Variants in MDGA2 observed in about 807,000 individuals in gnomAD.
MDGA2 encodes the protein MAM domain-containing glycosylphosphatidylinositol anchor protein 2.
A neutral mutation model predicts 117.8 loss-of-function variants in MDGA2; 40 were observed. The ratio of observed to expected loss-of-function variants is 0.34; its 90% CI spans 0.26 to 0.44. The LOEUF is 0.44. Ranked by LOEUF, MDGA2 falls within the 20% of genes least tolerant of loss-of-function variation. MDGA2 has a pLI of 1.00. For missense variants in MDGA2, 1,123 were observed against 1,250.6 expected (o/e 0.90, Z 1.54); for synonymous variants, 452 against 439.0 (o/e 1.03, Z -0.37).
intron 10 of MDGA2, among the ~76,000 whole-genome samples, chr14:46,897,698 C>G (rs1448281729): frequency 2.5e-5 from 3 of 118,472 alleles, no homozygotes; most frequent in African/African-American, 8.6e-5. Context: ...ATAACATCTT[C>G]TATTCCTACT....
chr14:47,016,706 G>A (rs142782261), intron 8 of MDGA2, among the ~76,000 whole-genome samples: 1 of 152,056 alleles, frequency 6.6e-6, no homozygotes, highest in African/African-American at 2.4e-5. Context: ...AATTCATAAT[G>A]AATATAACTA....
At chr14:46,947,453 A>G (rs960382706) in intron 9 of MDGA2, among the ~76,000 whole-genome samples, 12 of 152,052 alleles carry the variant, frequency 7.9e-5, no homozygotes, top group African/African-American at 2.7e-4. Flanking sequence ...CACATCACTC[A>G]GAAGTCTAGC....
chr14:47,568,048 CA>C (rs1895951751), intron 1 of MDGA2, among the ~76,000 whole-genome samples: 1 of 152,044 alleles, frequency 6.6e-6, no homozygotes, highest in Admixed American at 6.6e-5. Flanking sequence ...TTCTTTTCTT[CA>C]TTAGTCAGTA....
At chr14:47,096,264 T>C (rs1879961125) in intron 6 of MDGA2, among the ~76,000 whole-genome samples, 1 of 152,046 alleles carries the variant, frequency 6.6e-6, no homozygotes, top group African/African-American at 2.4e-5. Flanking sequence ...TGTTATTAGA[T>C]ATTCCCTAAT....
chr14:46,975,573 G>A (rs983848459), intron 8 of MDGA2, among the ~76,000 whole-genome samples: 2 of 152,038 alleles, frequency 1.3e-5, no homozygotes, highest in Non-Finnish European at 2.9e-5. Flanking sequence ...CATTATGCTA[G>A]GTGACATAAA....
At chr14:47,011,264 A>G (rs1240467593) in intron 8 of MDGA2, among the ~76,000 whole-genome samples, 1 of 151,978 alleles carries the variant, frequency 6.6e-6, no homozygotes, top group African/African-American at 2.4e-5. Context: ...TTGGAATAAC[A>G]TTGTTCTTAC....
At chr14:47,656,766 A>G (rs1489305976) in intron 1 of MDGA2, among the ~76,000 whole-genome samples, 1 of 152,176 alleles carries the variant, frequency 6.6e-6, no homozygotes, top group African/African-American at 2.4e-5. Flanking sequence ...TCTTTTAAAA[A>G]GGCCACAACA....
chr14:47,359,539 G>A (rs1242576444), intron 1 of MDGA2, among the ~76,000 whole-genome samples: 2 of 151,982 alleles, frequency 1.3e-5, no homozygotes, highest in African/African-American at 4.8e-5. Context: ...AATGCACAAT[G>A]AGGAATGGAT....
intron 1 of MDGA2, among the ~76,000 whole-genome samples, chr14:47,618,977 C>T (rs1270850906): frequency 2.0e-5 from 3 of 151,692 alleles, no homozygotes; most frequent in Non-Finnish European, 2.9e-5. Flanking sequence ...CTCTAGCTTC[C>T]GCAGGCCTCT....
intron 8 of MDGA2, among the ~76,000 whole-genome samples, chr14:46,995,969 T>TA (rs1566565351): frequency 2.0e-5 from 3 of 151,750 alleles, no homozygotes; most frequent in South Asian, 2.1e-4. Context: ...TTTTTACATT[T>TA]AAAAAAAAGC....
intron 1 of MDGA2, among the ~76,000 whole-genome samples, chr14:47,535,891 GT>G: frequency 6.6e-6 from 1 of 152,230 alleles, no homozygotes; most frequent in East Asian, 1.9e-4. Flanking sequence ...ATGACTGCCA[GT>G]CGGCTGGGGA....
At chr14:46,981,171 A>AGGGGGG (rs58347137) in intron 8 of MDGA2, among the ~76,000 whole-genome samples, 2 of 150,900 alleles carry the variant, frequency 1.3e-5, no homozygotes, top group Non-Finnish European at 1.5e-5. Context: ...TGGGAGGCCA[A>AGGGGGG]GGGGGGGGCG....
chr14:47,317,377 C>T (rs1390037187), intron 1 of MDGA2, among the ~76,000 whole-genome samples: 2 of 152,050 alleles, frequency 1.3e-5, no homozygotes, highest in African/African-American at 4.8e-5. Flanking sequence ...CTGTCTTGCA[C>T]ATGATATATG....
intron 4 of MDGA2, among the ~76,000 whole-genome samples, chr14:47,133,952 A>AT (rs981794409): frequency 6.6e-6 from 1 of 152,044 alleles, no homozygotes; most frequent in Non-Finnish European, 1.5e-5. Flanking sequence ...AGCCACAATG[A>AT]TTTACACTTT....
intron 8 of MDGA2, among the ~76,000 whole-genome samples, chr14:47,025,756 G>T (rs1244145064): frequency 1.3e-5 from 2 of 151,708 alleles, no homozygotes; most frequent in African/African-American, 4.8e-5. Context: ...TGTGTTGGAA[G>T]ACTGCCATAT....
At chr14:47,041,630 C>G (rs1889073442) in intron 7 of MDGA2, among the ~76,000 whole-genome samples, 1 of 144,470 alleles carries the variant, frequency 6.9e-6, no homozygotes, top group African/African-American at 2.5e-5. Context: ...GTTTCTCATT[C>G]CAAACGTAAA....
intron 16 of MDGA2, among the ~76,000 whole-genome samples, chr14:46,844,551 A>C (rs946695407): frequency 2.0e-5 from 3 of 150,794 alleles, no homozygotes; most frequent in Non-Finnish European, 4.4e-5. Flanking sequence ...GTTGCACTCC[A>C]GCCTGGGCAA....
intron 1 of MDGA2, among the ~76,000 whole-genome samples, chr14:47,467,440 G>A (rs1893627227): frequency 6.6e-6 from 1 of 152,064 alleles, no homozygotes; most frequent in African/African-American, 2.4e-5. Flanking sequence ...TAAGGCCTCT[G>A]GGGAAGGAGA....
chr14:46,952,540 T>C (rs1396487812), intron 9 of MDGA2, among the ~76,000 whole-genome samples: 1 of 152,012 alleles, frequency 6.6e-6, no homozygotes, highest in Admixed American at 6.6e-5. Flanking sequence ...TTGGAGTTTA[T>C]TTACATGTTC....
Sources: allele counts gnomAD v4.1 joint callset (sites outside exome capture counted in the v4.1 genomes callset), GRCh38; gene constraint gnomAD v4.1.1; transcripts MANE v1.5; gene names NCBI Gene and HGNC (gene_info 2026-07-23, HGNC 2026-07-21).